The following DPYD variants were observed in gnomAD, a reference collection of about 807,000 sequenced individuals.
DPYD encodes the protein dihydropyrimidine dehydrogenase [NADP(+)].
Under a neutral mutation model 116.2 loss-of-function variants are expected in DPYD, and 109 were observed. That is an observed-to-expected ratio of 0.94 (90% CI 0.80 to 1.10). The LOEUF is 1.10. DPYD is among the 50% of genes least tolerant of loss of function. DPYD has a pLI of 0.00. For missense variants in DPYD, 1,302 were observed against 1,254.5 expected, an observed-to-expected ratio of 1.04 and a Z score of -0.57; for synonymous variants, 440 against 432.0, an observed-to-expected ratio of 1.02 and a Z score of -0.23.
intron 21 of DPYD, among the ~76,000 whole-genome samples, chr1:97,090,993 T>A (rs1443341357): frequency 6.6e-5 from 10 of 152,148 alleles, no homozygotes; most frequent in African/African-American, 2.4e-4. Flanking sequence ...CATTAAGGCA[T>A]TTGAAAGGAA....
chr1:97,864,105 T>C (rs1468283214), intron 2 of DPYD, among the ~76,000 whole-genome samples: 1 of 152,012 alleles, frequency 6.6e-6, no homozygotes, highest in Non-Finnish European at 1.5e-5. Context: ...ATGTGATTAT[T>C]TATAAGTGTC....
intron 13 of DPYD, among the ~76,000 whole-genome samples, chr1:97,504,231 G>C (rs2101940261): frequency 6.6e-6 from 1 of 151,980 alleles, no homozygotes; most frequent in South Asian, 2.1e-4. Context: ...TTCTTTTTTG[G>C]AGGTTGGTGC....
chr1:97,186,548 C>T (rs1194449856), intron 20 of DPYD, among the ~76,000 whole-genome samples: 1 of 152,028 alleles, frequency 6.6e-6, no homozygotes. Flanking sequence ...TGAGTTGTTT[C>T]ACTTAAAATA....
chr1:97,543,086 C>A (rs996625039), intron 12 of DPYD, among the ~76,000 whole-genome samples: 7 of 152,104 alleles, frequency 4.6e-5, no homozygotes, highest in East Asian at 1.9e-4. Context: ...TAATCTTCTG[C>A]AAGACCCAAG....
intron 16 of DPYD, among the ~76,000 whole-genome samples, chr1:97,336,068 T>G (rs1021610305): frequency 3.3e-5 from 5 of 152,194 alleles, no homozygotes; most frequent in African/African-American, 1.2e-4. Context: ...TTATAAAGAA[T>G]ATTCATATTT....
At chr1:97,255,881 T>G (rs575727114) in intron 18 of DPYD, among the ~76,000 whole-genome samples, 19 of 152,200 alleles carry the variant, frequency 1.2e-4, no homozygotes, top group African/African-American at 4.6e-4. Context: ...GACTATCTCA[T>G]GCTCTAGAAG....
intron 4 of DPYD, among the ~76,000 whole-genome samples, chr1:97,724,961 G>GAGAA (rs1441841835): frequency 7.0e-6 from 1 of 143,538 alleles, no homozygotes; most frequent in South Asian, 2.2e-4. Flanking sequence ...GAAAGAGAGA[G>GAGAA]AGAGAGAGAG....
At chr1:97,367,337 G>A (rs1201167069) in intron 16 of DPYD, among the ~76,000 whole-genome samples, 4 of 151,040 alleles carry the variant, frequency 2.6e-5, no homozygotes, top group Non-Finnish European at 5.9e-5. Context: ...AGAACAGATC[G>A]TGAAAGAATT....
intron 19 of DPYD, among the ~76,000 whole-genome samples, chr1:97,195,547 AG>A (rs1570644886): frequency 7.6e-6 from 1 of 131,182 alleles, no homozygotes; most frequent in Non-Finnish European, 1.6e-5. Context: ...AGAGAGAGAG[AG>A]AGAGAGAGAG....
intron 3 of DPYD, among the ~76,000 whole-genome samples, chr1:97,775,859 T>C (rs1161164217): frequency 6.6e-6 from 1 of 152,226 alleles, no homozygotes; most frequent in East Asian, 1.9e-4. Context: ...TGAATATTAC[T>C]GAGTTTGTCT....
intron 3 of DPYD, among the ~76,000 whole-genome samples, chr1:97,815,090 GA>G (rs1557982792): frequency 2.1e-4 from 2 of 9,324 alleles, no homozygotes; most frequent in Non-Finnish European, 6.1e-4. Flanking sequence ...AGAAAGAAAA[GA>G]GAAGAGAAGA....
chr1:97,125,562 G>C (rs941999020), intron 20 of DPYD, among the ~76,000 whole-genome samples: 2 of 152,076 alleles, frequency 1.3e-5, no homozygotes, highest in Non-Finnish European at 2.9e-5. Context: ...ATAAGCCAGA[G>C]AAGCAATTGC....
chr1:97,513,014 C>A (rs190054483), intron 13 of DPYD, among the ~76,000 whole-genome samples: 1 of 151,776 alleles, frequency 6.6e-6, no homozygotes, highest in Non-Finnish European at 1.5e-5. Flanking sequence ...GATCATTTGC[C>A]TTTCTAAAGA....
At chr1:97,644,220 T>C (rs1353052798) in intron 8 of DPYD, among the ~76,000 whole-genome samples, 4 of 152,146 alleles carry the variant, frequency 2.6e-5, no homozygotes, top group Non-Finnish European at 5.9e-5. Flanking sequence ...TATGTCTGTA[T>C]ATGGGGGAAC....
chr1:97,446,148 T>TAC (rs1676075238), intron 14 of DPYD, among the ~76,000 whole-genome samples: 1 of 152,188 alleles, frequency 6.6e-6, no homozygotes, highest in African/African-American at 2.4e-5. Flanking sequence ...AAATCTGAAG[T>TAC]ACTTATACTC....
intron 18 of DPYD, among the ~76,000 whole-genome samples, chr1:97,300,865 T>C (rs544285724): frequency 9.9e-5 from 15 of 152,176 alleles, no homozygotes; most frequent in African/African-American, 3.1e-4. Flanking sequence ...AGCTACTATA[T>C]TGATTCACAT....
intron 20 of DPYD, among the ~76,000 whole-genome samples, chr1:97,156,456 G>A (rs1398154630): frequency 6.6e-6 from 1 of 152,024 alleles, no homozygotes; most frequent in Non-Finnish European, 1.5e-5. Flanking sequence ...AGTGGGCAAA[G>A]GACATGAACA....
At chr1:97,609,310 C>A (rs1477307254) in intron 8 of DPYD, among the ~76,000 whole-genome samples, 1 of 151,946 alleles carries the variant, frequency 6.6e-6, no homozygotes, top group Non-Finnish European at 1.5e-5. Flanking sequence ...ACATTCCAGC[C>A]ACAATCTAGA....
rs544773646 is a variant in DPYD, at chr1:97,424,382, G to C, written c.1905+25677C>G. ...CCTCCTGAATAGAAAAGACAACTGAGAGTGGTGGTCAGAATACTACTGGGA... is the reference window on the plus strand; with the variant it reads ...CCTCCTGAATAGAAAAGACAACTGACAGTGGTGGTCAGAATACTACTGGGA... On this transcript the variant is annotated intron_variant, in intron 14 of 22. Coordinates refer to ENST00000370192, the MANE Select transcript of DPYD (RefSeq NM_000110.4). Among the ~76,000 whole-genome samples the C allele has an allele frequency of 2.6e-5, 4 of 152,148 alleles. No individual in the cohort carries two copies. The South Asian group carries it at 8.3e-4, about 32-fold the overall frequency.
Sources: allele counts gnomAD v4.1 joint callset (sites outside exome capture counted in the v4.1 genomes callset), GRCh38; gene constraint gnomAD v4.1.1; transcripts MANE v1.5; gene names NCBI Gene and HGNC (gene_info 2026-07-23, HGNC 2026-07-21).